Variants in STK3 observed in about 807,000 individuals in gnomAD.
The protein encoded by STK3 is serine/threonine-protein kinase 3.
A neutral mutation model predicts 58.0 loss-of-function variants in STK3; 41 were observed. The ratio of observed to expected loss-of-function variants is 0.71; its 90% CI spans 0.55 to 0.92. STK3 has a LOEUF of 0.92. STK3 is among the 40% of genes least tolerant of loss of function. The pLI is 0.00. For missense variants in STK3, 479 were observed against 602.7 expected, an observed-to-expected ratio of 0.79 and a Z score of 2.15; for synonymous variants, 170 against 191.0, an observed-to-expected ratio of 0.89 and a Z score of 0.91.
At chr8:98,389,385 C>A (rs1333626755), upstream of STK3, among the ~76,000 whole-genome samples, 1 of 152,180 alleles carries the variant, frequency 6.6e-6, no homozygotes, top group Non-Finnish European at 1.5e-5. Flanking sequence ...TTTATCAATT[C>A]TCCCCTCCAC....
chr8:98,505,213 G>C (rs1823960165), intron 10 of STK3, among the ~76,000 whole-genome samples: 1 of 152,110 alleles, frequency 6.6e-6, no homozygotes, highest in Non-Finnish European at 1.5e-5. Context: ...GTGTCACGTA[G>C]TTCTCCTGCC....
chr8:98,373,263 T>C (rs141334888), intron 2 of STK3, among the ~76,000 whole-genome samples: 1 of 152,328 alleles, frequency 6.6e-6, no homozygotes, highest in African/African-American at 2.4e-5. Flanking sequence ...CCGAGCCAGA[T>C]GATTGGATCT....
intron 3 of STK3, among the ~76,000 whole-genome samples, chr8:98,856,746 C>A (rs1399637261): frequency 6.6e-6 from 1 of 152,154 alleles, no homozygotes; most frequent in African/African-American, 2.4e-5. Flanking sequence ...CACACAGACA[C>A]TTGTATTCAA....
chr8:98,909,054 A>G (rs1356382340), intron 1 of STK3, among the ~76,000 whole-genome samples: 1 of 152,102 alleles, frequency 6.6e-6, no homozygotes, highest in Non-Finnish European at 1.5e-5. Flanking sequence ...TATTCAGGTC[A>G]GGTGGCTGAG....
intron 1 of STK3, among the ~76,000 whole-genome samples, chr8:98,446,456 T>G (rs916890365): frequency 6.6e-6 from 1 of 152,222 alleles, no homozygotes; most frequent in African/African-American, 2.4e-5. Context: ...GGGTTTTCTG[T>G]GCATCTCTCA....
At chr8:98,744,614 G>C in intron 4 of STK3, among the ~76,000 whole-genome samples, 1 of 149,556 alleles carries the variant, frequency 6.7e-6, no homozygotes, top group Non-Finnish European at 1.5e-5. Flanking sequence ...GATAGCATTA[G>C]GAGATATACC....
intron 6 of STK3, among the ~76,000 whole-genome samples, chr8:98,627,592 C>T (rs1272594220): frequency 1.3e-5 from 2 of 152,118 alleles, no homozygotes; most frequent in Non-Finnish European, 2.9e-5. Flanking sequence ...ACTCATGCCC[C>T]CACTGCCTCA....
Position 98,759,010 on chromosome 8 carries a change from A to T in STK3, c.236+8233T>A, listed in dbSNP as rs539437458. Among the ~76,000 whole-genome samples the T allele has an allele frequency of 2.0e-5, 3 of 152,324 alleles. No individual in the cohort carries two copies. In the South Asian group the frequency reaches 6.2e-4, roughly 32 times the overall value. ...AATGCTGTGGCTGGTTTGAACTTCTATCCAGACCACTCAAACTGTCTCCAT... is the reference window on the plus strand; with the variant it reads ...AATGCTGTGGCTGGTTTGAACTTCTTTCCAGACCACTCAAACTGTCTCCAT... On this transcript the variant is annotated intron_variant, in intron 3 of 10. Transcript: ENST00000419617.
exon 1 of STK3, chr8:98,388,200 G>A (rs1341192012): frequency 2.6e-5 from 4 of 152,116 alleles, no homozygotes; most frequent in African/African-American, 9.7e-5. Flanking sequence ...ACCTTTTCAG[G>A]TAGCCAAATA....
At position 98,839,764 on chromosome 8, in the gene STK3, G is replaced by T. The variant is rs189013817; in HGVS notation, c.110+43883C>A. ...AGGAGAAAGAGGGTAAGATGACTGT[G>T]GCTTCTAAAATTTCCTTTGAAACAA... On this transcript the variant is annotated intron_variant, in intron 3 of 12. Coordinates refer to the STK3 transcript ENST00000523601. Among the ~76,000 whole-genome samples, 205 of 152,200 alleles carry T rather than the reference G, an allele frequency of 1.3e-3. 2 individuals carry two copies. The Middle Eastern group carries it at 0.014, about 10-fold the overall frequency.
chr8:98,775,236 A>C (rs1309519794), intron 1 of STK3, among the ~76,000 whole-genome samples: 1 of 152,188 alleles, frequency 6.6e-6, no homozygotes, highest in Non-Finnish European at 1.5e-5. Flanking sequence ...CAAGATCTGA[A>C]ATTTTTTGAG....
intron 3 of STK3, among the ~76,000 whole-genome samples, chr8:98,410,530 T>G (rs1288430929): frequency 6.6e-6 from 1 of 152,214 alleles, no homozygotes; most frequent in African/African-American, 2.4e-5. Context: ...AGATGCTTTT[T>G]TGGAGAGTTA....
At chr8:98,589,012 A>C (rs1284588425) in intron 7 of STK3, among the ~76,000 whole-genome samples, 2 of 148,630 alleles carry the variant, frequency 1.3e-5, no homozygotes, top group African/African-American at 5.0e-5. Context: ...AATTTTTTTC[A>C]AAGTTTTCAA....
At chr8:98,653,258 G>A (rs1821129908) in intron 6 of STK3, among the ~76,000 whole-genome samples, 2 of 152,158 alleles carry the variant, frequency 1.3e-5, no homozygotes, top group Admixed American at 1.3e-4. Flanking sequence ...AATGAAGGCA[G>A]AAATAAAGAC....
chr8:98,819,075 A>T (rs1834732311), intron 1 of STK3, among the ~76,000 whole-genome samples: 1 of 152,066 alleles, frequency 6.6e-6, no homozygotes, highest in Admixed American at 6.5e-5. Flanking sequence ...TGCCCACCTC[A>T]GCCTCCCAAA....
At chr8:98,529,628 T>TAAC (rs1166315750) in intron 9 of STK3, among the ~76,000 whole-genome samples, 1 of 152,212 alleles carries the variant, frequency 6.6e-6, no homozygotes. Context: ...TAACCCCATG[T>TAAC]CTATTGCAGC....
downstream of STK3, among the ~76,000 whole-genome samples, chr8:98,452,940 T>C (rs112974017): frequency 0.32 from 33,209 of 103,854 alleles, 6,351 homozygotes; most frequent in Admixed American, 0.41. Flanking sequence ...TTTGTATTTT[T>C]AGTAGAGACA....
chr8:98,353,311 C>CA, the STK3 span, among the ~76,000 whole-genome samples: 11 of 151,654 alleles, frequency 7.3e-5, no homozygotes, highest in Non-Finnish European at 1.5e-4. Flanking sequence ...TCCATCTCTA[C>CA]AAAAAAACAA....
At chr8:98,660,036 G>A (rs150848218) in intron 6 of STK3, among the ~76,000 whole-genome samples, 4 of 151,888 alleles carry the variant, frequency 2.6e-5, no homozygotes, top group South Asian at 2.1e-4. Context: ...GAACGAAGAC[G>A]ATGAATGGAT....
Sources: gnomAD v4.1 joint callset for allele counts (sites outside exome capture counted in the v4.1 genomes callset) on GRCh38, gnomAD v4.1.1 for gene constraint, MANE v1.5 for transcripts, NCBI Gene and HGNC (gene_info 2026-07-23, HGNC 2026-07-21) for gene names.